The following SAMD7 variants were observed in gnomAD, a reference collection of about 807,000 sequenced individuals.
The protein encoded by SAMD7 is sterile alpha motif domain containing 7.
In SAMD7, 34 loss-of-function variants were observed where a neutral mutation model predicts 36.7. That is an observed-to-expected ratio of 0.93 (90% CI 0.71 to 1.23). SAMD7 has a LOEUF of 1.23. Ranked by LOEUF, SAMD7 falls within the 50% of genes most tolerant of loss-of-function variation. SAMD7 has a pLI of 0.00. For synonymous variants in SAMD7, 188 were observed against 189.7 expected, an observed-to-expected ratio of 0.99 and a Z score of 0.07; for missense variants, 570 against 546.6, an observed-to-expected ratio of 1.04 and a Z score of -0.43.
intron 1 of SAMD7, among the ~76,000 whole-genome samples, chr3:169,912,824 A>G (rs796487622): frequency 6.6e-5 from 10 of 152,338 alleles, no homozygotes; most frequent in African/African-American, 2.4e-4. Context: ...AGCACTGCCA[A>G]GTGCTTCGGT....
intron 4 of SAMD7, among the ~76,000 whole-genome samples, chr3:169,924,621 A>G (rs1157558268): frequency 6.6e-6 from 1 of 152,200 alleles, no homozygotes; most frequent in Non-Finnish European, 1.5e-5. Context: ...TTCTGACCAC[A>G]AAAAGTGATA....
intron 4 of SAMD7, among the ~76,000 whole-genome samples, chr3:169,922,348 G>A (rs545182656): frequency 1.3e-5 from 2 of 152,300 alleles, no homozygotes; most frequent in South Asian, 2.1e-4. Context: ...GGAAAAGCAA[G>A]CAAGGGAGAA....
chr3:169,933,970 G>A (rs1240809688), intron 7 of SAMD7, among the ~76,000 whole-genome samples: 1 of 152,224 alleles, frequency 6.6e-6, no homozygotes, highest in Non-Finnish European at 1.5e-5. Context: ...GATAAAGGAG[G>A]AATTTCCAGG....
chr3:169,922,374 G>T (rs934762160), intron 4 of SAMD7, among the ~76,000 whole-genome samples: 1 of 152,132 alleles, frequency 6.6e-6, no homozygotes, highest in Non-Finnish European at 1.5e-5. Flanking sequence ...ACAAGTGAGG[G>T]GAACCAGTGA....
intron 7 of SAMD7, among the ~76,000 whole-genome samples, 172 bp from the exon 8 acceptor site, chr3:169,936,167 C>T (rs533758211): frequency 1.3e-5 from 2 of 152,174 alleles, no homozygotes; most frequent in South Asian, 4.2e-4. Context: ...AGAGCACAAG[C>T]AATATGCTAC....
chr3:169,937,234 C>G (rs571402317), intron 8 of SAMD7, among the ~76,000 whole-genome samples: 1 of 152,024 alleles, frequency 6.6e-6, no homozygotes, highest in Admixed American at 6.6e-5. Flanking sequence ...CATTGGATGA[C>G]TGTATTGGCC....
At chr3:169,914,504 AC>A (rs1381264130) in intron 1 of SAMD7, among the ~76,000 whole-genome samples, 24 of 152,318 alleles carry the variant, frequency 1.6e-4, no homozygotes, top group African/African-American at 5.8e-4. Context: ...CTGCCCAGGG[AC>A]TTCCATGACA....
Position 169,933,026 on chromosome 3 carries a change from C to G in SAMD7, c.1042-3313C>G. ...GCATCACTCAGGTGTCTACCTGGAA[C>G]AGACGGAACTACCTAAAGAATGGTG... On this transcript the variant is annotated intron_variant, in intron 7 of 8. Coordinates refer to ENST00000335556, the MANE Select transcript of SAMD7 (RefSeq NM_001304366.2). 3 of 792,294 alleles carry G rather than the reference C, an allele frequency of 3.8e-6. No individual in the cohort carries two copies. The South Asian group carries it at 4.0e-5, about 11-fold the overall frequency. 49.1% of individuals were successfully genotyped at this position (792,294 alleles called of 1,614,324 possible).
rs1712609464 is a variant in SAMD7 at position 169,911,747 on chromosome 3, G to T, written c.-191G>T. The T allele has an allele frequency of 6.6e-6, 1 of 152,224 alleles. No individual in the cohort carries two copies. The highest frequency in any genetic ancestry group is 1.5e-5 in the Non-Finnish European group (1 of 68,034). 9.4% of individuals were successfully genotyped at this position (152,224 alleles called of 1,614,324 possible). On this transcript the variant is annotated 5_prime_UTR_variant, in exon 1 of 9. Transcript: ENST00000335556. ...TCAACCCGCAGCCAGAGAAGCTTCT[G>T]CAGTTGAAGGCCAGAAAGTCTTTGT...
chr3:169,928,888 G>A (rs1052273694), intron 7 of SAMD7, among the ~76,000 whole-genome samples: 2 of 152,122 alleles, frequency 1.3e-5, no homozygotes, highest in African/African-American at 4.8e-5. Context: ...CAAAAAGAAT[G>A]GGAAATAACG....
Position 169,938,509 on chromosome 3 carries a change from G to T in SAMD7, c.*3G>T, listed in dbSNP as rs1435530842. On this transcript the variant is annotated 3_prime_UTR_variant, in exon 9 of 9. Transcript: ENST00000335556. ...AGCGAGGTAGTATGAGAAACTAAAAGCCCTCAAGGAGGAAGAATAGTCTTA... is the reference window on the plus strand; with the variant it reads ...AGCGAGGTAGTATGAGAAACTAAAATCCCTCAAGGAGGAAGAATAGTCTTA... 1.9e-6 allele frequency: 3 copies of T among 1,592,668 alleles called. No homozygotes were observed. Among genetic ancestry groups the T allele is most frequent in the Admixed American group, 1.7e-5 (1 of 58,614 alleles).
At chr3:169,929,268 T>C (rs1713397300) in intron 7 of SAMD7, among the ~76,000 whole-genome samples, 1 of 152,170 alleles carries the variant, frequency 6.6e-6, no homozygotes, top group South Asian at 2.1e-4. Context: ...AGTTTACTTT[T>C]TTGAGTTATT....
At position 169,925,089 on chromosome 3, in the gene SAMD7, G is replaced by C; in HGVS notation, c.243G>C (p.Lys81Asn). The change falls in exon 5 of 9, where the codon AAG becomes AAC. Residue 81 changes from lysine (K) to asparagine (N), a missense_variant. Lys to Asn is a moderately conservative substitution (Grantham distance 94, BLOSUM62 0). Transcript: ENST00000335556. ...GCATTTTACCACCTGAATCCATAAA[G>C]GCAGTGGCCAGAAGGAATGAAATGA... ...GWGILPPESI[K>N]AVARRNEMIQ... The C allele has an allele frequency of 6.2e-7, 1 of 1,611,658 alleles. No individual in the cohort carries two copies. The highest frequency in any genetic ancestry group is 2.2e-5 in the East Asian group (1 of 44,788).
intron 2 of SAMD7, among the ~76,000 whole-genome samples, chr3:169,916,573 G>A (rs758749700): frequency 9.2e-5 from 14 of 152,098 alleles, no homozygotes; most frequent in African/African-American, 2.7e-4. Flanking sequence ...GCTTGAACCC[G>A]GGCGACAGAG....
chr3:169,924,503 C>T (rs1172335209), intron 4 of SAMD7, among the ~76,000 whole-genome samples: 2 of 152,158 alleles, frequency 1.3e-5, no homozygotes, highest in Admixed American at 1.3e-4. Flanking sequence ...AGGAGAATTG[C>T]TTGAACCTGG....
intron 2 of SAMD7, among the ~76,000 whole-genome samples, chr3:169,918,180 C>T (rs1370142390): frequency 3.3e-5 from 5 of 150,676 alleles, no homozygotes; most frequent in East Asian, 2.0e-4. Flanking sequence ...TCAAACGATC[C>T]GCCTGCCTCA....
chr3:169,924,929 T>C (rs547854222), intron 4 of SAMD7, 129 bp from the exon 5 acceptor site: 6 of 605,564 alleles, frequency 9.9e-6, no homozygotes, highest in South Asian at 9.4e-5. Context: ...ATTTCCAAAA[T>C]TGTGCGCAAT....
rs746551882 is a variant in SAMD7, at chr3:169,928,620, TG to T, written c.1041+43del. 45 of 1,595,476 alleles carry T rather than the reference TG, an allele frequency of 2.8e-5. No individual in the cohort carries two copies. The East Asian group carries it at 1.0e-3, about 36-fold the overall frequency. On this transcript the variant is annotated intron_variant, in intron 7 of 8. Coordinates refer to ENST00000335556, the MANE Select transcript of SAMD7 (RefSeq NM_001304366.2). ...GTATTTCCATACAAGAAAAACAGTT[TG>T]AAATATCTTTCCTGCATAATGAATT...
At chr3:169,919,836 A>C (rs114882503) in intron 3 of SAMD7, among the ~76,000 whole-genome samples, 2,042 of 152,330 alleles carry the variant, frequency 0.013, 45 homozygotes, top group African/African-American at 0.046. Context: ...GGCATTGTGC[A>C]GGTGCAAACA....
Sources: allele counts gnomAD v4.1 joint callset (sites outside exome capture counted in the v4.1 genomes callset), GRCh38; gene constraint gnomAD v4.1.1; transcripts MANE v1.5; gene names NCBI Gene and HGNC (gene_info 2026-07-23, HGNC 2026-07-21).